The following RBPJ variants were observed in gnomAD, a reference collection of about 807,000 sequenced individuals.
The protein encoded by RBPJ is recombining binding protein suppressor of hairless.
RBPJ carries 9 observed loss-of-function variants against 67.8 expected under a neutral mutation model. The ratio of observed to expected loss-of-function variants is 0.13; its 90% CI spans 0.08 to 0.23. The LOEUF is 0.23. Ranked by LOEUF, RBPJ falls within the 10% of genes least tolerant of loss-of-function variation. The probability of loss-of-function intolerance (pLI) is 1.00; values close to 1 mark genes in which losing one functional copy is unlikely to be tolerated. For missense variants in RBPJ, 305 were observed against 595.6 expected (o/e 0.51, Z 5.08); for synonymous variants, 198 against 203.3 (o/e 0.97, Z 0.22).
At position 26,303,219 on chromosome 4, in the gene RBPJ, ATAAATGAATAAAT is replaced by A. The variant is rs1489936232; in HGVS notation, c.-166-59226_-166-59214del. 7.4e-3 allele frequency among the ~76,000 whole-genome samples: 1,081 copies of A among 146,968 alleles called. 13 individuals carry two copies. The highest frequency in any genetic ancestry group is 0.025 in the African/African-American group (1,013 of 40,530). ...AAATAAATAAATAAATAAATAAATAATAAATGAATAAATATATATATATATAATCCATATGAAA... is the reference window on the plus strand; with the variant it reads ...AAATAAATAAATAAATAAATAAATAAATATATATATATAATCCATATGAAA... On this transcript the variant is annotated intron_variant, in intron 1 of 4. Coordinates refer to the RBPJ transcript ENST00000512351.
In RBPJ at chr4:26,202,986, G is replaced by GAAGGAAGGAAGGAAGT. The variant is rs1368186119; in HGVS notation, c.-167+39387_-167+39388insTAAGGAAGGAAGGAAG. On this transcript the variant is annotated intron_variant, in intron 1 of 4. Transcript: ENST00000512351. ...GGAAGGAAATAAGGAAGGAAGGAAG[G>GAAGGAAGGAAGGAAGT]AAGGAAGGAAGGAAGGAAGGAAAAA... 9.0e-4 allele frequency among the ~76,000 whole-genome samples: 131 copies of GAAGGAAGGAAGGAAGT among 144,978 alleles called. 1 individual carries two copies. Among genetic ancestry groups the GAAGGAAGGAAGGAAGT allele is most frequent in the African/African-American group, 3.1e-3 (126 of 40,372 alleles).
At chr4:26,359,467 G>A (rs906005144) in intron 1 of RBPJ, among the ~76,000 whole-genome samples, 22 of 142,464 alleles carry the variant, frequency 1.5e-4, no homozygotes, top group African/African-American at 5.3e-4. Context: ...TGGAGCGGCT[G>A]TGTGTCCAGT....
At chr4:26,362,702 A>T (rs2109504503) in intron 1 of RBPJ, 4 of 1,173,586 alleles carry the variant, frequency 3.4e-6, no homozygotes, top group Non-Finnish European at 5.1e-6. Flanking sequence ...TATTTAGTTA[A>T]TGCATATTTA....
chr4:26,170,065 C>T (rs995184278), intron 1 of RBPJ, among the ~76,000 whole-genome samples: 6 of 152,102 alleles, frequency 3.9e-5, no homozygotes, highest in South Asian at 2.1e-4. Context: ...GGCTGGCGCA[C>T]GGTGCGCTGC....
intron 1 of RBPJ, among the ~76,000 whole-genome samples, chr4:26,382,882 T>C (rs1189760632): frequency 6.6e-6 from 1 of 152,236 alleles, no homozygotes; most frequent in East Asian, 1.9e-4. Flanking sequence ...TTTTGAGTTT[T>C]TTCCAGAAAA....
intron 1 of RBPJ, among the ~76,000 whole-genome samples, chr4:26,384,765 T>C (rs943902416): frequency 1.5e-4 from 23 of 150,706 alleles, no homozygotes; most frequent in African/African-American, 3.9e-4. Context: ...TCAGGCACTA[T>C]TCCCTCTCCT....
intron 1 of RBPJ, among the ~76,000 whole-genome samples, chr4:26,342,700 A>T (rs918366114): frequency 1.3e-5 from 2 of 152,192 alleles, no homozygotes; most frequent in Admixed American, 6.5e-5. Flanking sequence ...GTTTCACTAT[A>T]CAATTTTGGA....
chr4:26,169,574 G>A (rs549566802), intron 1 of RBPJ, among the ~76,000 whole-genome samples: 37 of 152,228 alleles, frequency 2.4e-4, no homozygotes, highest in South Asian at 1.2e-3. Context: ...CTCCAGCTGC[G>A]TGCTGGGAGA....
chr4:26,330,320 C>G (rs1249698597), intron 1 of RBPJ, among the ~76,000 whole-genome samples: 1 of 152,162 alleles, frequency 6.6e-6, no homozygotes, highest in Non-Finnish European at 1.5e-5. Flanking sequence ...CTACCATCTG[C>G]CAGAATGTTA....
chr4:26,274,419 G>C (rs1283883834), intron 1 of RBPJ, among the ~76,000 whole-genome samples: 1 of 152,194 alleles, frequency 6.6e-6, no homozygotes, highest in Non-Finnish European at 1.5e-5. Context: ...CGTGATCCCA[G>C]GAGTTCAAGA....
intron 1 of RBPJ, among the ~76,000 whole-genome samples, chr4:26,180,428 T>C (rs1462325020): frequency 6.6e-6 from 1 of 152,044 alleles, no homozygotes; most frequent in Non-Finnish European, 1.5e-5. Flanking sequence ...TTTGTAAACA[T>C]CAGAATCTAT....
At chr4:26,381,693 A>G (rs140273904) in intron 1 of RBPJ, among the ~76,000 whole-genome samples, 220 of 152,260 alleles carry the variant, frequency 1.4e-3, no homozygotes, top group Middle Eastern at 0.01. Context: ...CTTTCTTCCC[A>G]CTATCAGCCT....
At chr4:26,211,023 T>C (rs1175693261) in intron 1 of RBPJ, among the ~76,000 whole-genome samples, 1 of 152,106 alleles carries the variant, frequency 6.6e-6, no homozygotes, top group Non-Finnish European at 1.5e-5. Flanking sequence ...GCCCCTGTGC[T>C]GTGCAGAGCA....
intron 4 of RBPJ, among the ~76,000 whole-genome samples, chr4:26,416,303 A>G (rs1038663935): frequency 1.3e-4 from 20 of 152,166 alleles, no homozygotes; most frequent in African/African-American, 4.3e-4. Flanking sequence ...TCTGTCACCC[A>G]TGCAGAAATG....
chr4:26,109,558 C>CCTCTCT, the RBPJ span, among the ~76,000 whole-genome samples: 8 of 30,110 alleles, frequency 2.7e-4, no homozygotes, highest in Non-Finnish European at 4.3e-4. Flanking sequence ...TGTCCACCTT[C>CCTCTCT]CTCTCTCTCT....
intron 3 of RBPJ, among the ~76,000 whole-genome samples, chr4:26,407,483 A>G (rs553854987): frequency 1.3e-3 from 199 of 152,162 alleles, no homozygotes; most frequent in Non-Finnish European, 2.3e-3. Flanking sequence ...AAATTTCCGC[A>G]TTTTTTATGT....
intron 1 of RBPJ, among the ~76,000 whole-genome samples, chr4:26,227,126 C>T (rs1296511467): frequency 1.3e-5 from 2 of 152,184 alleles, no homozygotes; most frequent in African/African-American, 4.8e-5. Flanking sequence ...TCACTGGAGT[C>T]GTCTGAGGGT....
At chr4:26,315,188 ATATATG>A (rs1326188882), upstream of RBPJ, among the ~76,000 whole-genome samples, 1,189 of 120,882 alleles carry the variant, frequency 9.8e-3, 30 homozygotes, top group African/African-American at 0.041. Context: ...ATATATATAT[ATATATG>A]TATGTATATA....
chr4:26,301,653 A>G (rs1027074325), intron 1 of RBPJ, among the ~76,000 whole-genome samples: 6 of 152,080 alleles, frequency 3.9e-5, no homozygotes, highest in African/African-American at 1.4e-4. Flanking sequence ...TACATGCAGT[A>G]TTGCCCATTT....
Sources: allele counts gnomAD v4.1 joint callset (sites outside exome capture counted in the v4.1 genomes callset), GRCh38; gene constraint gnomAD v4.1.1; transcripts MANE v1.5; gene names NCBI Gene and HGNC (gene_info 2026-07-23, HGNC 2026-07-21).